Variants in MYOM1 observed in about 807,000 individuals in gnomAD.
The protein encoded by MYOM1 is myomesin 1.
Under a neutral mutation model 205.3 loss-of-function variants are expected in MYOM1, and 164 were observed. The ratio of observed to expected loss-of-function variants is 0.80; its 90% CI spans 0.70 to 0.91. MYOM1 has a LOEUF of 0.91. MYOM1 is among the 40% of genes least tolerant of loss of function. The probability of loss-of-function intolerance (pLI) is 0.00; values close to 1 mark genes in which losing one functional copy is unlikely to be tolerated. For missense variants in MYOM1, 2,011 were observed against 2,127.3 expected (o/e 0.95, Z 1.08); for synonymous variants, 772 against 789.4 (o/e 0.98, Z 0.37).
intron 36 of MYOM1, among the ~76,000 whole-genome samples, chr18:3,074,942 C>T (rs546749775): frequency 3.9e-5 from 6 of 152,124 alleles, no homozygotes; most frequent in East Asian, 1.9e-4. Context: ...TACAGGCACC[C>T]GCCACTACAC....
chr18:3,241,399 G>A, the MYOM1 span, among the ~76,000 whole-genome samples: 1,386 of 152,264 alleles, frequency 9.1e-3, 24 homozygotes, highest in African/African-American at 0.032. Flanking sequence ...GGTACAGCTC[G>A]GGCCGTGGCC....
chr18:3,185,138 C>G (rs2080792738), intron 5 of MYOM1, among the ~76,000 whole-genome samples: 1 of 152,116 alleles, frequency 6.6e-6, no homozygotes, highest in African/African-American at 2.4e-5. Context: ...TTTTCCAGAT[C>G]AACAGAGCAC....
At chr18:3,077,633 T>C (rs957690119) in intron 34 of MYOM1, among the ~76,000 whole-genome samples, 4 of 152,206 alleles carry the variant, frequency 2.6e-5, no homozygotes, top group Non-Finnish European at 5.9e-5. Context: ...GGTAGGACAA[T>C]CTACAGCCTT....
At position 3,134,644 on chromosome 18, in the gene MYOM1, A is replaced by G; in HGVS notation, c.2384+6T>C. ...ATTGCCCGCCCTGCACACCCGACTG[A>G]GTTACCGTGAGCCCTTCACGGGGTT... is the stretch of plus-strand genomic sequence containing the variant. On this transcript the variant is annotated splice_donor_region_variant and intron_variant, in intron 16 of 37. Transcript: ENST00000356443. 6.2e-7 allele frequency: 1 copy of G among 1,607,634 alleles called. No homozygotes were observed. Among genetic ancestry groups the G allele is most frequent in the Non-Finnish European group, 8.5e-7 (1 of 1,175,218 alleles).
At chr18:3,224,955 G>A (rs994491231), upstream of MYOM1, among the ~76,000 whole-genome samples, 3 of 151,860 alleles carry the variant, frequency 2.0e-5, no homozygotes, top group Middle Eastern at 3.5e-3. Context: ...GTGAGCCACC[G>A]TGCCCGGCCT....
intron 37 of MYOM1, among the ~76,000 whole-genome samples, chr18:3,068,681 T>A (rs1260253746): frequency 1.3e-5 from 2 of 152,194 alleles, no homozygotes; most frequent in East Asian, 3.9e-4. Context: ...CATAATTACA[T>A]CCAGATTCAT....
rs774376509 is a variant in MYOM1 at position 3,085,088 on chromosome 18, ATC to A, written c.4294_4295del (p.Asp1432Ter). 1 of 1,609,406 alleles carries A rather than the reference ATC, an allele frequency of 6.2e-7. No individual in the cohort carries two copies. Among genetic ancestry groups the A allele is most frequent in the Non-Finnish European group, 8.5e-7 (1 of 1,177,782 alleles). On this transcript the variant is annotated frameshift_variant, in exon 31 of 38. Coordinates refer to ENST00000356443, the MANE Select transcript of MYOM1 (RefSeq NM_003803.4). LOFTEE classifies it high-confidence loss of function. ...DAGIYEVILK[D>X]DRGKDKSRLK... ...GTCTGCTCTTATCTTTTCCTCGGTC[ATC>A]TTTCAGGATAACTTCATAAATCCCA...
At chr18:3,102,194 C>T (rs371902187) in intron 23 of MYOM1, among the ~76,000 whole-genome samples, 8 of 151,684 alleles carry the variant, frequency 5.3e-5, no homozygotes, top group Admixed American at 3.9e-4. Flanking sequence ...TTAGCAGAGA[C>T]GGGGTTTCAC....
chr18:3,224,680 T>A (rs1567976666), upstream of MYOM1, among the ~76,000 whole-genome samples: 1 of 148,864 alleles, frequency 6.7e-6, no homozygotes, highest in African/African-American at 2.5e-5. Flanking sequence ...TATTATTATT[T>A]TTGAAATGGA....
At chr18:3,146,412 T>C (rs2080123521) in intron 13 of MYOM1, among the ~76,000 whole-genome samples, 2 of 152,152 alleles carry the variant, frequency 1.3e-5, no homozygotes, top group African/African-American at 2.4e-5. Flanking sequence ...CATAGTGACA[T>C]TCAACCCAGG....
intron 14 of MYOM1, among the ~76,000 whole-genome samples, chr18:3,138,989 G>A (rs574961580): frequency 6.6e-6 from 1 of 152,214 alleles, no homozygotes; most frequent in East Asian, 1.9e-4. Context: ...CTACAAAATA[G>A]GCATGATCTG....
intron 33 of MYOM1, among the ~76,000 whole-genome samples, chr18:3,083,398 TCTTTC>T: frequency 1.3e-5 from 2 of 148,494 alleles, no homozygotes; most frequent in Admixed American, 6.8e-5. Flanking sequence ...TCTTTTTCTT[TCTTTC>T]TTTTCTTTTT....
At position 3,094,025 on chromosome 18, in the gene MYOM1, T is replaced by C. The variant is rs529941356; in HGVS notation, c.3864+145A>G. Reference sequence around the variant, plus strand: ...GTTATAGTCAATCTGTATTTTCATTTCACAGTTTTCACTTGTGAGAAGGAT... The same window carrying C: ...GTTATAGTCAATCTGTATTTTCATTCCACAGTTTTCACTTGTGAGAAGGAT... On this transcript the variant is annotated intron_variant, in intron 26 of 37. Transcript: ENST00000356443. 3.8e-5 allele frequency: 28 copies of C among 739,390 alleles called. No individual in the cohort carries two copies. In the East Asian group the frequency reaches 7.6e-4, roughly 20 times the overall value. The allele number at this position is 739,390 out of a possible 1,614,324, so 45.8% of individuals were successfully genotyped here. A position where few individuals can be genotyped will look rare whatever the true frequency, so the allele number is the denominator to read the frequency against.
At chr18:3,212,166 T>C (rs1415610969) in intron 2 of MYOM1, among the ~76,000 whole-genome samples, 1 of 152,214 alleles carries the variant, frequency 6.6e-6, no homozygotes, top group Non-Finnish European at 1.5e-5. Flanking sequence ...ATATTGGCAT[T>C]TTCCCTCCTC....
chr18:3,103,455 G>A (rs1378184304), intron 22 of MYOM1, among the ~76,000 whole-genome samples: 1 of 152,164 alleles, frequency 6.6e-6, no homozygotes, highest in African/African-American at 2.4e-5. Context: ...GAGAATTCAA[G>A]GAGAATTTGT....
At position 3,071,884 on chromosome 18, in the gene MYOM1, C is replaced by T; in HGVS notation, c.4714G>A (p.Ala1572Thr). 1 of 1,604,326 alleles carries T rather than the reference C, an allele frequency of 6.2e-7. No homozygotes were observed. Among genetic ancestry groups the T allele is most frequent in the Non-Finnish European group, 8.5e-7 (1 of 1,175,380 alleles). Residue 1572 changes from alanine to threonine, a missense_variant, in exon 37 of 38, where the codon GCC becomes ACC. Ala to Thr is a moderately conservative substitution (Grantham distance 58, BLOSUM62 0). Coordinates refer to ENST00000356443, the MANE Select transcript of MYOM1 (RefSeq NM_003803.4). ...TCTGGGAGACCTCCCAACACCCGGG[C>T]ACGATCTGCAAGCATAGGCATTTTG... ...KQAAIAEKNR[A>T]RVLGGLPDVV... is the part of the protein sequence containing the mutation.
At chr18:3,187,019 G>A (rs1024670693) in intron 5 of MYOM1, among the ~76,000 whole-genome samples, 4 of 152,120 alleles carry the variant, frequency 2.6e-5, no homozygotes, top group South Asian at 2.1e-4. Context: ...AAGGCACATT[G>A]AGGCCTCAGC....
At chr18:3,121,100 G>A (rs900729051) in intron 19 of MYOM1, among the ~76,000 whole-genome samples, 5 of 152,020 alleles carry the variant, frequency 3.3e-5, no homozygotes, top group Non-Finnish European at 7.4e-5. Context: ...CTCAAAAATG[G>A]GAAAGAGAGA....
At chr18:3,182,851 C>T (rs537931281) in intron 5 of MYOM1, among the ~76,000 whole-genome samples, 2 of 151,544 alleles carry the variant, frequency 1.3e-5, no homozygotes, top group African/African-American at 4.8e-5. Flanking sequence ...AGTCCTCCTG[C>T]AGGATGGCCA....
Sources: allele counts gnomAD v4.1 joint callset (sites outside exome capture counted in the v4.1 genomes callset), GRCh38; gene constraint gnomAD v4.1.1; transcripts MANE v1.5; gene names NCBI Gene and HGNC (gene_info 2026-07-23, HGNC 2026-07-21).